Variants in DNER observed in about 807,000 individuals in gnomAD.
DNER encodes delta and Notch-like epidermal growth factor-related receptor.
Under a neutral mutation model 78.2 loss-of-function variants are expected in DNER, and 33 were observed. That is an observed-to-expected ratio of 0.42 (90% CI 0.32 to 0.56). The LOEUF is 0.56. DNER is among the 20% of genes least tolerant of loss of function. The pLI, the probability that DNER is intolerant of heterozygous loss-of-function variation, is 0.11. For synonymous variants in DNER, 417 were observed against 384.8 expected (o/e 1.08, Z -0.98); for missense variants, 918 against 975.3 (o/e 0.94, Z 0.78).
At chr2:229,576,664 A>T (rs1697308034) in intron 4 of DNER, among the ~76,000 whole-genome samples, 1 of 152,208 alleles carries the variant, frequency 6.6e-6, no homozygotes, top group Admixed American at 6.5e-5. Context: ...GGAACGGAGA[A>T]CATTCTGATG....
chr2:229,640,278 T>A (rs968628557), intron 1 of DNER, among the ~76,000 whole-genome samples: 1 of 152,250 alleles, frequency 6.6e-6, no homozygotes, highest in Non-Finnish European at 1.5e-5. Context: ...CTGATTTGCA[T>A]GTTTCAGGAT....
chr2:229,647,245 G>T (rs751368033), intron 1 of DNER, among the ~76,000 whole-genome samples: 2 of 152,204 alleles, frequency 1.3e-5, no homozygotes, highest in Non-Finnish European at 2.9e-5. Context: ...AGGAGGTGAC[G>T]TGGGAGGAGA....
chr2:229,588,495 AG>A lies in DNER; in HGVS notation c.586-8del. ...AGGCAATATCTGGGATCACCTGGGAAGGGAAAAAAAAAACGACATATGATTG... is the reference window on the plus strand; with the variant it reads ...AGGCAATATCTGGGATCACCTGGGAAGGAAAAAAAAAACGACATATGATTG... On this transcript the variant is annotated splice_region_variant and splice_polypyrimidine_tract_variant and intron_variant, in intron 2 of 12. Coordinates refer to ENST00000341772, the MANE Select transcript of DNER (RefSeq NM_139072.4). 1 of 1,269,188 alleles carries A rather than the reference AG, an allele frequency of 7.9e-7. No individual in the cohort carries two copies. Among genetic ancestry groups the A allele is most frequent in the African/African-American group, 3.2e-5 (1 of 30,836 alleles). The allele number at this position is 1,269,188 out of a possible 1,614,324, so 78.6% of individuals were successfully genotyped here. A position where few individuals can be genotyped will look rare whatever the true frequency, so the allele number is the denominator to read the frequency against.
At chr2:229,590,027 A>G (rs944049086) in intron 2 of DNER, among the ~76,000 whole-genome samples, 3 of 125,914 alleles carry the variant, frequency 2.4e-5, no homozygotes, top group Non-Finnish European at 4.9e-5. Context: ...ACTCTAATAC[A>G]TGCTATGCAA....
chr2:229,700,902 A>G (rs556457978), intron 1 of DNER, among the ~76,000 whole-genome samples: 12 of 152,334 alleles, frequency 7.9e-5, no homozygotes, highest in Non-Finnish European at 1.6e-4. Flanking sequence ...CAAAAAAAAA[A>G]AAAAAAGATA....
At chr2:229,385,886 C>T (rs1692853272) in intron 11 of DNER, among the ~76,000 whole-genome samples, 4 of 151,994 alleles carry the variant, frequency 2.6e-5, no homozygotes, top group Admixed American at 2.6e-4. Context: ...ATGAAAATGG[C>T]CATACTGCCC....
chr2:229,526,148 A>C (rs1373120332), intron 5 of DNER, among the ~76,000 whole-genome samples: 2 of 152,204 alleles, frequency 1.3e-5, no homozygotes, highest in African/African-American at 4.8e-5. Flanking sequence ...AAAATTCACC[A>C]ACAAAATAAA....
At chr2:229,587,170 C>T (rs7604611) in intron 3 of DNER, 141,986 of 174,942 alleles carry the variant, frequency 0.81, 58,709 homozygotes, top group Non-Finnish European at 0.89. Flanking sequence ...AAGAAAGGGC[C>T]GAGAGATGTT....
At chr2:229,619,628 C>T (rs1698220328) in intron 1 of DNER, among the ~76,000 whole-genome samples, 1 of 152,150 alleles carries the variant, frequency 6.6e-6, no homozygotes, top group South Asian at 2.1e-4. Flanking sequence ...AAATTATATT[C>T]TGTGTGCTCT....
In DNER at chr2:229,447,360, G is replaced by A. The variant is rs761933088; in HGVS notation, c.1442C>T (p.Thr481Met). The A allele has an allele frequency of 1.5e-5, 24 of 1,611,682 alleles. No homozygotes were observed. The highest frequency in any genetic ancestry group is 5.5e-5 in the South Asian group (5 of 90,512). ...GTAGCTGGTGCCCACGCTGCGGCAC[G>A]TGCCATGAGCACAGGGGCTGAGGGC... The part of the protein sequence containing the change: ...FCALSPCAHG[T>M]CRSVGTSYKC... Residue 481 changes from threonine to methionine, a missense_variant, in exon 8 of 13, where the codon ACG becomes ATG. Physicochemically the swap from Thr to Met is moderately conservative, Grantham distance 81. Transcript: ENST00000341772.
At chr2:229,592,976 T>C (rs1270993839) in intron 1 of DNER, among the ~76,000 whole-genome samples, 1 of 152,216 alleles carries the variant, frequency 6.6e-6, no homozygotes, top group African/African-American at 2.4e-5. Flanking sequence ...TAATTATTCC[T>C]ATCAAGCAAC....
At chr2:229,554,943 AGGGAAG>A (rs1696829621) in intron 4 of DNER, among the ~76,000 whole-genome samples, 1 of 74,058 alleles carries the variant, frequency 1.4e-5, no homozygotes, top group Non-Finnish European at 2.7e-5. Context: ...AAGAGAGAAA[AGGGAAG>A]GGAAGGGAAG....
At chr2:229,459,556 A>C (rs72986904) in intron 7 of DNER, among the ~76,000 whole-genome samples, 34,985 of 151,966 alleles carry the variant, frequency 0.23, 4,570 homozygotes, top group Non-Finnish European at 0.29. Flanking sequence ...TACTTTTTAC[A>C]GACGAAGGTT....
intron 4 of DNER, among the ~76,000 whole-genome samples, chr2:229,562,337 G>A (rs1235304451): frequency 6.6e-6 from 1 of 152,152 alleles, no homozygotes; most frequent in Non-Finnish European, 1.5e-5. Context: ...ACAAAGCTGA[G>A]TAGTCATCAA....
intron 5 of DNER, among the ~76,000 whole-genome samples, chr2:229,518,028 G>C (rs1696015883): frequency 6.6e-6 from 1 of 152,176 alleles, no homozygotes. Context: ...ACAATAGTTT[G>C]TTTTATTCAG....
intron 1 of DNER, among the ~76,000 whole-genome samples, chr2:229,667,843 G>A (rs900472298): frequency 1.3e-5 from 2 of 152,216 alleles, no homozygotes; most frequent in Admixed American, 6.5e-5. Flanking sequence ...CAACAGCAAG[G>A]AGTGATAATT....
At chr2:229,503,384 C>T (rs1695661193) in intron 6 of DNER, among the ~76,000 whole-genome samples, 1 of 152,154 alleles carries the variant, frequency 6.6e-6, no homozygotes, top group Non-Finnish European at 1.5e-5. Flanking sequence ...AACCTAATGT[C>T]CCTTCCAGAG....
chr2:229,476,739 G>A (rs1230283896), intron 7 of DNER, among the ~76,000 whole-genome samples: 1 of 152,008 alleles, frequency 6.6e-6, no homozygotes, highest in Non-Finnish European at 1.5e-5. Context: ...GGTTTTTCAG[G>A]TGACTTGAAT....
At chr2:229,643,574 G>A (rs555924396) in intron 1 of DNER, among the ~76,000 whole-genome samples, 2 of 152,272 alleles carry the variant, frequency 1.3e-5, no homozygotes, top group South Asian at 4.1e-4. Context: ...CAAACCTTGG[G>A]TAGGTTACTT....
Sources: gnomAD v4.1 joint callset for allele counts (sites outside exome capture counted in the v4.1 genomes callset) on GRCh38, gnomAD v4.1.1 for gene constraint, MANE v1.5 for transcripts, NCBI Gene and HGNC (gene_info 2026-07-23, HGNC 2026-07-21) for gene names.